Variants in RGS11 observed in about 807,000 individuals in gnomAD.
RGS11 encodes regulator of G-protein signaling 11.
In RGS11, 86 loss-of-function variants were observed where a neutral mutation model predicts 71.1. The observed-to-expected ratio is 1.21, with a 90% CI of 1.02 to 1.45. The LOEUF is 1.45. Among genes scored for constraint, RGS11 ranks in the 40% most tolerant of loss-of-function variants. The probability of loss-of-function intolerance (pLI) is 0.00; values close to 1 mark genes in which losing one functional copy is unlikely to be tolerated. For missense variants in RGS11, 734 were observed against 635.1 expected, an observed-to-expected ratio of 1.16 and a Z score of -1.67; for synonymous variants, 298 against 254.2, an observed-to-expected ratio of 1.17 and a Z score of -1.64.
intron 8 of RGS11, 61 bp downstream of exon 8, chr16:273,413 AG>A: frequency 1.5e-6 from 2 of 1,306,830 alleles, no homozygotes; most frequent in Non-Finnish European, 1.1e-6. Context: ...AGCGCCTGTC[AG>A]GGAAGCACGC....
rs537255695 is a variant in RGS11 at position 270,205 on chromosome 16, C to T, written c.1206+318G>A. 1.9e-3 allele frequency among the ~76,000 whole-genome samples: 286 copies of T among 152,118 alleles called. 2 individuals are homozygous for T. Among genetic ancestry groups the T allele is most frequent in the Non-Finnish European group, 2.9e-3 (198 of 68,016 alleles). On this transcript the variant is annotated intron_variant, in intron 15 of 16. Transcript: ENST00000397770. ...TGGAGCTTGCACTGAGCCGAGATCC[C>T]GCCACTGCACTCCAGCCTGGGCGAC... is the stretch of plus-strand genomic sequence containing the variant.
intron 4 of RGS11, 95 bp from the exon 5 acceptor site, chr16:274,360 C>A (rs552862353): frequency 1.6e-4 from 228 of 1,389,830 alleles, no homozygotes; most frequent in Non-Finnish European, 1.9e-4. Context: ...GAAGCCTGGG[C>A]TGGGCAGGAG....
Position 271,099 on chromosome 16 carries a change from C to G in RGS11, c.864G>C (p.Thr288=). The G allele has an allele frequency of 6.2e-7, 1 of 1,611,508 alleles. No individual in the cohort carries two copies. Among genetic ancestry groups the G allele is most frequent in the Non-Finnish European group, 8.5e-7 (1 of 1,179,360 alleles). ...CACGGAGCTTCGTGGGGGCAGCCAC[C>G]CTGGGGAGAGGGCAGGGCTGTTGGG... ...NDAYWVMNAP[T]VAAPTKLRVE... The change falls in exon 13 of 17, where the codon ACG becomes ACC. Residue 288 remains threonine (T), a splice_region_variant and synonymous_variant. Coordinates refer to ENST00000397770, the MANE Select transcript of RGS11 (RefSeq NM_183337.3).
rs766614493 is a variant in RGS11, at chr16:274,731, G to A, written c.318+245C>T. On this transcript the variant is annotated intron_variant, in intron 4 of 16. Coordinates refer to ENST00000397770, the MANE Select transcript of RGS11 (RefSeq NM_183337.3). ...ATCCTCTGCACATACGACCCCTTGT[G>A]GGGCCCTGCTGTGGTCCCCAGGAAA... The A allele has an allele frequency of 2.0e-4, 143 of 700,444 alleles. No homozygotes were observed. In the African/African-American group the frequency reaches 2.1e-3, roughly 10 times the overall value. 43.4% of individuals were successfully genotyped at this position (700,444 alleles called of 1,614,324 possible). A position where few individuals can be genotyped will look rare whatever the true frequency, so the allele number is the denominator to read the frequency against.
chr16:270,438 G>A, intron 15 of RGS11, 85 bp downstream of exon 15: 2 of 1,453,506 alleles, frequency 1.4e-6, no homozygotes, highest in Admixed American at 2.2e-5. Context: ...GGCAGTGCCT[G>A]TGCGGACAGA....
chr16:273,016 A>T, intron 8 of RGS11, 85 bp from the exon 9 acceptor site: 1 of 1,249,700 alleles, frequency 8.0e-7, no homozygotes. Flanking sequence ...CCAGACCCCC[A>T]TGTGGAAACT....
At position 275,005 on chromosome 16, in the gene RGS11, G is replaced by T; in HGVS notation, c.289C>A (p.Arg97=). ...AACCTGTAGGGCGTCTCGTCTGGCC[G>T]GAGCATGAGGCTACGGGGGTCGCGC... The part of the protein sequence containing the change: ...PLRDPRSLML[R]PDETPYRFQT... Residue 97 remains arginine (R), a synonymous_variant, in exon 4 of 17, where the codon CGG becomes AGG. Transcript: ENST00000397770. The T allele has an allele frequency of 2.0e-6, 3 of 1,533,860 alleles. No individual in the cohort carries two copies. Among genetic ancestry groups the T allele is most frequent in the Middle Eastern group, 1.7e-4 (1 of 5,862 alleles).
At chr16:270,461 G>A in intron 15 of RGS11, 62 bp downstream of exon 15, 2 of 1,514,116 alleles carry the variant, frequency 1.3e-6, no homozygotes, top group Non-Finnish European at 1.8e-6. Context: ...CCTTGAGGGT[G>A]GGGACATGGA....
chr16:274,611 C>G (rs138914737), intron 4 of RGS11: 34 of 610,908 alleles, frequency 5.6e-5, no homozygotes, highest in African/African-American at 5.4e-4. Flanking sequence ...GGCCCGGGAC[C>G]CTGATGTGGT....
At chr16:274,849 C>A in intron 4 of RGS11, 127 bp downstream of exon 4, 2 of 1,319,242 alleles carry the variant, frequency 1.5e-6, no homozygotes, top group Non-Finnish European at 2.1e-6. Context: ...CACCAGCCCA[C>A]GGCGACATGG....
chr16:275,688 A>C, intron 1 of RGS11, 161 bp downstream of exon 1: 1 of 367,074 alleles, frequency 2.7e-6, no homozygotes, highest in Non-Finnish European at 4.0e-6. Context: ...GACCCCGGAG[A>C]CCCCCAAGGG....
chr16:271,986 G>T (rs1177800780), intron 9 of RGS11: 1 of 297,780 alleles, frequency 3.4e-6, no homozygotes, highest in African/African-American at 2.2e-5. Flanking sequence ...ACAGGCATGC[G>T]CCACCAAGCC....
Position 270,671 on chromosome 16 carries a change from G to A in RGS11, c.1068-10C>T. 1.2e-6 allele frequency: 2 copies of A among 1,610,116 alleles called. No individual in the cohort carries two copies. Among genetic ancestry groups the A allele is most frequent in the African/African-American group, 1.3e-5 (1 of 75,014 alleles). On this transcript the variant is annotated splice_polypyrimidine_tract_variant and intron_variant, in intron 14 of 16. Coordinates refer to ENST00000397770, the MANE Select transcript of RGS11 (RefSeq NM_183337.3). Reference sequence around the variant, plus strand: ...GGGGGCCAGGAACTGCCTAGGGGTGGGGACAGCACTGGGTAGTCTCGGCTG... The same window carrying A: ...GGGGGCCAGGAACTGCCTAGGGGTGAGGACAGCACTGGGTAGTCTCGGCTG...
At position 275,072 on chromosome 16, in the gene RGS11, G is replaced by T; in HGVS notation, c.222C>A (p.His74Gln). Reference protein sequence around the residue: ...KFCVSEEEALHLGAVLVQHGY... With the variant: ...KFCVSEEEALQLGAVLVQHGY... The stretch of plus-strand genomic sequence containing the variant: ...CATGCTGCACCAGGACGGCGCCCAG[G>T]TGCAGGGCCTCTGGGGAGGGGTGGG... Residue 74 changes from histidine to glutamine, a missense_variant, in exon 4 of 17, where the codon CAC becomes CAA. Transcript: ENST00000397770. 1 of 1,480,900 alleles carries T rather than the reference G, an allele frequency of 6.8e-7. No homozygotes were observed. Among genetic ancestry groups the T allele is most frequent in the Non-Finnish European group, 9.0e-7 (1 of 1,114,938 alleles). 91.7% of individuals were successfully genotyped at this position (1,480,900 alleles called of 1,614,324 possible).
chr16:269,319 C>A lies in RGS11; in HGVS notation c.1354G>T (p.Val452Leu). 1 of 1,599,210 alleles carries A rather than the reference C, an allele frequency of 6.3e-7. No individual in the cohort carries two copies. Among genetic ancestry groups the A allele is most frequent in the Admixed American group, 1.7e-5 (1 of 57,440 alleles). Residue 452 changes from valine (V) to leucine (L), a missense_variant, in exon 17 of 17, where the codon GTG becomes TTG. Physicochemically the swap from Val to Leu is conservative, Grantham distance 32. Coordinates refer to ENST00000397770, the MANE Select transcript of RGS11 (RefSeq NM_183337.3). Reference protein sequence around the residue: ...SPSPALLPTPVEPTAACGPGG... With the variant: ...SPSPALLPTPLEPTAACGPGG... ...GGGCCACAAGCCGCTGTGGGCTCCA[C>A]AGGGGTGGGAAGGAGTGCAGGGCTG... is the stretch of plus-strand genomic sequence containing the variant.
chr16:270,494 C>T, intron 15 of RGS11, 29 bp downstream of exon 15: 5 of 1,581,484 alleles, frequency 3.2e-6, no homozygotes, highest in South Asian at 1.1e-5. Flanking sequence ...ATGACCCCTC[C>T]TGCCCCTGCA....
rs2052106234 is a variant in RGS11 at position 275,048 on chromosome 16, A to G, written c.246T>C (p.His82=). 2 of 1,491,406 alleles carry G rather than the reference A, an allele frequency of 1.3e-6. No individual in the cohort carries two copies. Among genetic ancestry groups the G allele is most frequent in the African/African-American group, 1.4e-5 (1 of 71,690 alleles). The allele number at this position is 1,491,406 out of a possible 1,614,324, so 92.4% of individuals were successfully genotyped here. A position where few individuals can be genotyped will look rare whatever the true frequency, so the allele number is the denominator to read the frequency against. Residue 82 remains histidine, a synonymous_variant, in exon 4 of 17, where the codon CAT becomes CAC. Transcript: ENST00000397770. ...ALHLGAVLVQ[H]GYIYPLRDPR... ...GGTCGCGCAGCGGGTAGATGTAGCC[A>G]TGCTGCACCAGGACGGCGCCCAGGT...
chr16:271,067 C>G lies in RGS11; in HGVS notation c.896G>C (p.Arg299Thr), dbSNP rs1323654108. The G allele has an allele frequency of 1.2e-6, 2 of 1,612,506 alleles. No homozygotes were observed. Among genetic ancestry groups the G allele is most frequent in the East Asian group, 2.2e-5 (1 of 44,856 alleles). The change falls in exon 13 of 17, where the codon AGA becomes ACA. Residue 299 changes from arginine to threonine, a missense_variant. Arg to Thr is a moderately conservative substitution (Grantham distance 71). Coordinates refer to ENST00000397770, the MANE Select transcript of RGS11 (RefSeq NM_183337.3). ...VAAPTKLRVE[R>T]WGFSFRELLE... ...GAGCTCCCGGAAGCTGAAGCCCCATCTCTCCACACGGAGCTTCGTGGGGGC... is the reference window on the plus strand; with the variant it reads ...GAGCTCCCGGAAGCTGAAGCCCCATGTCTCCACACGGAGCTTCGTGGGGGC...
intron 9 of RGS11, 138 bp downstream of exon 9, chr16:272,725 C>T (rs529555776): frequency 1.3e-4 from 188 of 1,495,090 alleles, no homozygotes; most frequent in Non-Finnish European, 1.6e-4. Context: ...CGGGAGTGAG[C>T]AGGGGCTTGG....
Sources: gnomAD v4.1 joint callset for allele counts (sites outside exome capture counted in the v4.1 genomes callset) on GRCh38, gnomAD v4.1.1 for gene constraint, MANE v1.5 for transcripts, NCBI Gene and HGNC (gene_info 2026-07-23, HGNC 2026-07-21) for gene names.